Variants in WWC1 observed in about 807,000 individuals in gnomAD.
WWC1 encodes the protein protein KIBRA.
WWC1 carries 55 observed loss-of-function variants against 138.4 expected under a neutral mutation model. That is an observed-to-expected ratio of 0.40 (90% CI 0.32 to 0.50). The LOEUF (loss-of-function observed/expected upper bound fraction) is 0.50. Among genes scored for constraint, WWC1 ranks in the 20% least tolerant of loss-of-function variants. The probability of loss-of-function intolerance (pLI) is 0.72; values close to 1 mark genes in which losing one functional copy is unlikely to be tolerated. For missense variants in WWC1, 1,226 were observed against 1,420.4 expected (o/e 0.86, Z 2.20); for synonymous variants, 524 against 564.9 (o/e 0.93, Z 1.03).
At chr5:168,456,239 C>T (rs774548272) in intron 19 of WWC1, among the ~76,000 whole-genome samples, 3 of 152,042 alleles carry the variant, frequency 2.0e-5, no homozygotes, top group Admixed American at 6.6e-5. Context: ...AGGAGTCCAA[C>T]GCTGCAGTGA....
chr5:168,302,570 A>T (rs1770188665), intron 1 of WWC1, among the ~76,000 whole-genome samples: 1 of 152,172 alleles, frequency 6.6e-6, no homozygotes, highest in Admixed American at 6.5e-5. Flanking sequence ...GGATGTTATC[A>T]AGAGCCTATT....
At chr5:168,363,225 T>C (rs752840658) in intron 1 of WWC1, among the ~76,000 whole-genome samples, 22 of 152,036 alleles carry the variant, frequency 1.4e-4, no homozygotes, top group Non-Finnish European at 1.5e-5. Flanking sequence ...CATTTAACTT[T>C]CTAAAAAGAG....
chr5:168,353,515 G>A (rs1775156040), intron 1 of WWC1, among the ~76,000 whole-genome samples: 1 of 152,186 alleles, frequency 6.6e-6, no homozygotes, highest in Admixed American at 6.5e-5. Context: ...GCCTCCTGCT[G>A]CCCCTCAATG....
At chr5:168,398,253 G>A (rs1410172619) in intron 4 of WWC1, among the ~76,000 whole-genome samples, 1 of 151,936 alleles carries the variant, frequency 6.6e-6, no homozygotes, top group East Asian at 1.9e-4. Flanking sequence ...ATAGGCGCCC[G>A]CCACCACACC....
chr5:168,468,443 G>A (rs1185787125), intron 22 of WWC1, among the ~76,000 whole-genome samples: 6 of 151,782 alleles, frequency 4.0e-5, no homozygotes, highest in Non-Finnish European at 7.4e-5. Flanking sequence ...AGGCCCTAGC[G>A]TTTAGACTTC....
chr5:168,445,631 G>A (rs1755179384), intron 17 of WWC1, among the ~76,000 whole-genome samples: 1 of 147,620 alleles, frequency 6.8e-6, no homozygotes, highest in Non-Finnish European at 1.5e-5. Flanking sequence ...GAACCCAGGA[G>A]GCAGAGGTTG....
chr5:168,469,034 T>C lies in WWC1; in HGVS notation c.*17T>C, dbSNP rs1269005966. 1 of 1,614,134 alleles carries C rather than the reference T, an allele frequency of 6.2e-7. No individual in the cohort carries two copies. Among genetic ancestry groups the C allele is most frequent in the Admixed American group, 1.7e-5 (1 of 60,014 alleles). On this transcript the variant is annotated 3_prime_UTR_variant, in exon 23 of 23. Coordinates refer to ENST00000265293, the MANE Select transcript of WWC1 (RefSeq NM_015238.3). Reference sequence around the variant, plus strand: ...GACGTCTAATCGCCAGAAAAGTATTTCCTTTGTTCCACTGACCAGGCTGTG... The same window carrying C: ...GACGTCTAATCGCCAGAAAAGTATTCCCTTTGTTCCACTGACCAGGCTGTG...
In WWC1 at chr5:168,429,139, A is replaced by C. The variant is rs534660367; in HGVS notation, c.2000+352A>C. The stretch of plus-strand genomic sequence containing the variant: ...GCTGTGGCTTTTGTCTTTCCATCCC[A>C]TCTAGGTTTCATTGATCTGGATGGA... On this transcript the variant is annotated intron_variant, in intron 13 of 22. Coordinates refer to ENST00000265293, the MANE Select transcript of WWC1 (RefSeq NM_015238.3). 5.3e-5 allele frequency among the ~76,000 whole-genome samples: 8 copies of C among 151,736 alleles called. No individual in the cohort carries two copies. The East Asian group carries it at 1.5e-3, about 29-fold the overall frequency.
At position 168,303,558 on chromosome 5, in the gene WWC1, A is replaced by G. The variant is rs556703417; in HGVS notation, c.119+11287A>G. Reference sequence around the variant, plus strand: ...CAAGAGGTCAAGGCTGCAGTGAGCCATGTTTACATCATTGCAGTCCAGCCT... The same window carrying G: ...CAAGAGGTCAAGGCTGCAGTGAGCCGTGTTTACATCATTGCAGTCCAGCCT... On this transcript the variant is annotated intron_variant, in intron 1 of 22. Transcript: ENST00000265293. Among the ~76,000 whole-genome samples, 34 of 152,272 alleles carry G rather than the reference A, an allele frequency of 2.2e-4. No individual in the cohort carries two copies. The East Asian group carries it at 6.2e-3, about 28-fold the overall frequency.
At chr5:168,408,934 G>T (rs1487011249) in intron 7 of WWC1, among the ~76,000 whole-genome samples, 1 of 152,178 alleles carries the variant, frequency 6.6e-6, no homozygotes. Context: ...TGCACAGAAA[G>T]CATGTTTAAA....
At chr5:168,397,866 C>T in intron 4 of WWC1, 66 bp downstream of exon 4, 1 of 1,562,154 alleles carries the variant, frequency 6.4e-7, no homozygotes, top group Non-Finnish European at 8.8e-7. Context: ...GCCACAAGCC[C>T]ACCCACAAGA....
chr5:168,439,709 G>T (rs1754584165), intron 15 of WWC1, among the ~76,000 whole-genome samples: 1 of 152,028 alleles, frequency 6.6e-6, no homozygotes, highest in Non-Finnish European at 1.5e-5. Flanking sequence ...TTTTGTACTT[G>T]TGCAGGTTTC....
intron 4 of WWC1, among the ~76,000 whole-genome samples, chr5:168,398,765 TGTG>T (rs1358839837): frequency 2.6e-5 from 4 of 152,076 alleles, no homozygotes; most frequent in Non-Finnish European, 4.4e-5. Flanking sequence ...AGTAGAGAGT[TGTG>T]GTGACTGTGT....
At chr5:168,455,291 G>A in intron 18 of WWC1, 65 bp from the exon 19 acceptor site, 3 of 1,498,918 alleles carry the variant, frequency 2.0e-6, no homozygotes, top group Non-Finnish European at 2.7e-6. Context: ...GCAGCTGAGT[G>A]GTCTCTGGTG....
chr5:168,405,363 G>A (rs1006909990), intron 5 of WWC1, among the ~76,000 whole-genome samples: 38 of 152,110 alleles, frequency 2.5e-4, no homozygotes, highest in African/African-American at 8.5e-4. Context: ...GTGGGGTGAG[G>A]CCAGGTATAC....
At chr5:168,367,325 T>A (rs1266370400) in intron 1 of WWC1, among the ~76,000 whole-genome samples, 1 of 152,110 alleles carries the variant, frequency 6.6e-6, no homozygotes, top group Admixed American at 6.6e-5. Flanking sequence ...TCTTGTTATT[T>A]TTTATTTATT....
At chr5:168,408,748 A>T (rs1780003608) in intron 7 of WWC1, 95 bp downstream of exon 7, 76 of 1,546,496 alleles carry the variant, frequency 4.9e-5, no homozygotes, top group Non-Finnish European at 6.1e-5. Flanking sequence ...CTCACCAGGG[A>T]GCTGGCCAGG....
chr5:168,381,629 A>G lies in WWC1; in HGVS notation c.230-3582A>G, dbSNP rs575392960. On this transcript the variant is annotated intron_variant, in intron 2 of 22. Transcript: ENST00000265293. The stretch of plus-strand genomic sequence containing the variant: ...ATTCTCCCGGGTGATTCTAATGTTC[A>G]ACCAGGGGCTCTCAGCTATATCTGC... Among the ~76,000 whole-genome samples the G allele has an allele frequency of 2.0e-5, 3 of 152,222 alleles. No individual in the cohort carries two copies. In the East Asian group the frequency reaches 5.8e-4, roughly 29 times the overall value.
chr5:168,403,311 A>T (rs1007481522), intron 5 of WWC1, among the ~76,000 whole-genome samples: 20 of 151,860 alleles, frequency 1.3e-4, no homozygotes, highest in African/African-American at 4.8e-4. Flanking sequence ...GTTAGCCAGG[A>T]TGGTCTCGAT....
Sources: allele counts gnomAD v4.1 joint callset (sites outside exome capture counted in the v4.1 genomes callset), GRCh38; gene constraint gnomAD v4.1.1; transcripts MANE v1.5; gene names NCBI Gene and HGNC (gene_info 2026-07-23, HGNC 2026-07-21).